HHLA2: variants seen among roughly 807,000 people sequenced by gnomAD.
HHLA2 encodes HERV-H LTR-associating protein 2.
HHLA2 carries 48 observed loss-of-function variants against 45.9 expected under a neutral mutation model. That is an observed-to-expected ratio of 1.05 (90% CI 0.83 to 1.33). HHLA2 has a LOEUF of 1.33. Ranked by LOEUF, HHLA2 falls within the 40% of genes most tolerant of loss-of-function variation. HHLA2 has a pLI of 0.00. For synonymous variants in HHLA2, 161 were observed against 173.9 expected (o/e 0.93, Z 0.59); for missense variants, 462 against 494.3 (o/e 0.93, Z 0.62).
intron 1 of HHLA2, among the ~76,000 whole-genome samples, chr3:108,299,614 A>T (rs2080818722): frequency 6.6e-6 from 1 of 152,108 alleles, no homozygotes; most frequent in Non-Finnish European, 1.5e-5. Flanking sequence ...GAGTAAAAGT[A>T]ACTAGTTTTG....
chr3:108,340,218 T>A (rs187289955), intron 3 of HHLA2, among the ~76,000 whole-genome samples: 2 of 152,222 alleles, frequency 1.3e-5, no homozygotes, highest in Admixed American at 1.3e-4. Context: ...GAAGTGTAGA[T>A]GACAGAATTT....
intron 3 of HHLA2, among the ~76,000 whole-genome samples, chr3:108,342,928 C>T (rs1175980390): frequency 6.6e-6 from 1 of 152,136 alleles, no homozygotes; most frequent in Admixed American, 6.5e-5. Context: ...TGGTGGGAGC[C>T]CTTCTTCCTG....
At position 108,376,476 on chromosome 3, in the gene HHLA2, C is replaced by T. The variant is rs2082276522; in HGVS notation, c.1160-17C>T. The T allele has an allele frequency of 1.3e-6, 2 of 1,563,826 alleles. No individual in the cohort carries two copies. Among genetic ancestry groups the T allele is most frequent in the African/African-American group, 1.4e-5 (1 of 72,680 alleles). On this transcript the variant is annotated splice_polypyrimidine_tract_variant and intron_variant, in intron 9 of 10. Transcript: ENST00000619531. ...TGCAAAGAAATTATTTTTAAGTTCT[C>T]TTTTTTTTTCCTGTAGAAAGATGTT...
Position 108,318,326 on chromosome 3 carries a change from G to A in HHLA2, c.-105+7585G>A, listed in dbSNP as rs190920318. ...TAACTTTTCATGGAGGGTATAGCCAGTCATCATCAATGGCCATGGATAAAA... is the reference window on the plus strand; with the variant it reads ...TAACTTTTCATGGAGGGTATAGCCAATCATCATCAATGGCCATGGATAAAA... On this transcript the variant is annotated intron_variant, in intron 2 of 10. Transcript: ENST00000619531. Among the ~76,000 whole-genome samples the A allele has an allele frequency of 1.2e-3, 181 of 152,282 alleles. 2 individuals are homozygous for A. The highest frequency in any genetic ancestry group is 4.3e-3 in the African/African-American group (177 of 41,552).
exon 7 of HHLA2, chr3:108,358,133 T>C: frequency 6.2e-7 from 1 of 1,611,458 alleles, no homozygotes; most frequent in Non-Finnish European, 8.5e-7. Flanking sequence ...ATGAATATAC[T>C]TTACTTACCA....
intron 1 of HHLA2, among the ~76,000 whole-genome samples, chr3:108,307,238 TCTAC>T (rs1227111580): frequency 6.6e-6 from 1 of 152,232 alleles, no homozygotes; most frequent in African/African-American, 2.4e-5. Context: ...TTTATTGTAT[TCTAC>T]CTCTTTGTAT....
At chr3:108,353,615 G>T (rs781114195) in exon 5 of HHLA2, 1 of 1,613,642 alleles carries the variant, frequency 6.2e-7, no homozygotes, top group Non-Finnish European at 8.5e-7. Flanking sequence ...GGAAAGCCAA[G>T]ATCCCAGATA....
chr3:108,365,659 T>A (rs2082051824), intron 8 of HHLA2, among the ~76,000 whole-genome samples: 2 of 152,232 alleles, frequency 1.3e-5, no homozygotes, highest in African/African-American at 4.8e-5. Context: ...CTTATTTCCT[T>A]GAGCAGTGGT....
intron 9 of HHLA2, 134 bp downstream of exon 8, chr3:108,375,934 G>A (rs1297512816): frequency 1.7e-6 from 2 of 1,206,960 alleles, no homozygotes; most frequent in East Asian, 3.1e-5. Context: ...AGTGAGATGG[G>A]CTGAAAATAT....
chr3:108,297,513 G>A (rs1442812411), intron 1 of HHLA2, among the ~76,000 whole-genome samples: 2 of 152,186 alleles, frequency 1.3e-5, no homozygotes, highest in African/African-American at 2.4e-5. Context: ...TCTGTAAAAT[G>A]GGGGTAGACT....
chr3:108,360,365 A>AAGTT (rs2081966853), intron 7 of HHLA2, among the ~76,000 whole-genome samples: 2 of 152,152 alleles, frequency 1.3e-5, no homozygotes, highest in Non-Finnish European at 2.9e-5. Context: ...AATTTTACAG[A>AAGTT]TAGAAGATTC....
At chr3:108,324,132 T>A (rs2081248400) in intron 2 of HHLA2, among the ~76,000 whole-genome samples, 1 of 152,192 alleles carries the variant, frequency 6.6e-6, no homozygotes, top group Non-Finnish European at 1.5e-5. Flanking sequence ...TAAATGTAAT[T>A]CAAAGGTTAT....
intron 3 of HHLA2, among the ~76,000 whole-genome samples, chr3:108,340,073 A>G (rs942778868): frequency 9.2e-5 from 14 of 152,166 alleles, no homozygotes; most frequent in African/African-American, 3.1e-4. Flanking sequence ...AATGTTACTC[A>G]GTGTGTGGGA....
At chr3:108,352,332 A>G (rs978724490) in intron 4 of HHLA2, among the ~76,000 whole-genome samples, 2 of 152,166 alleles carry the variant, frequency 1.3e-5, no homozygotes, top group African/African-American at 4.8e-5. Flanking sequence ...TTTCAGCATG[A>G]TGCCACATCC....
At chr3:108,351,038 C>T (rs1011727392) in intron 3 of HHLA2, among the ~76,000 whole-genome samples, 1 of 152,172 alleles carries the variant, frequency 6.6e-6, no homozygotes, top group Non-Finnish European at 1.5e-5. Context: ...CAATTGTATG[C>T]TATTCTTTAA....
chr3:108,331,715 T>C (rs1181312094), intron 3 of HHLA2, among the ~76,000 whole-genome samples: 1 of 152,188 alleles, frequency 6.6e-6, no homozygotes, highest in Non-Finnish European at 1.5e-5. Flanking sequence ...CCATTTGCCC[T>C]GTAGCAAGTT....
chr3:108,317,576 C>CCTTT (rs778903008), intron 2 of HHLA2, among the ~76,000 whole-genome samples: 2 of 122,614 alleles, frequency 1.6e-5, no homozygotes. Flanking sequence ...GAGATTACTT[C>CCTTT]TTTTTTTTTT....
chr3:108,370,634 G>C (rs2082153051), intron 8 of HHLA2, among the ~76,000 whole-genome samples: 1 of 152,130 alleles, frequency 6.6e-6, no homozygotes, highest in Non-Finnish European at 1.5e-5. Flanking sequence ...GTCCTTAAAG[G>C]ACCCGATGGA....
chr3:108,368,477 A>G (rs1468989198), intron 8 of HHLA2, among the ~76,000 whole-genome samples: 1 of 148,722 alleles, frequency 6.7e-6, no homozygotes, highest in Admixed American at 6.8e-5. Context: ...TCACATGCAA[A>G]GACACACATA....
Sources: allele counts gnomAD v4.1 joint callset (sites outside exome capture counted in the v4.1 genomes callset), GRCh38; gene constraint gnomAD v4.1.1; transcripts MANE v1.5; gene names NCBI Gene and HGNC (gene_info 2026-07-23, HGNC 2026-07-21).